Variants in WRAP73 observed in about 807,000 individuals in gnomAD.
WRAP73 encodes WD repeat containing, antisense to TP73.
WRAP73 carries 55 observed loss-of-function variants against 59.6 expected under a neutral mutation model. That is an observed-to-expected ratio of 0.92 (90% CI 0.74 to 1.15). WRAP73 has a LOEUF of 1.15. WRAP73 is among the 50% of genes most tolerant of loss of function. WRAP73 has a pLI of 0.00. For missense variants in WRAP73, 592 were observed against 608.1 expected, an observed-to-expected ratio of 0.97 and a Z score of 0.28; for synonymous variants, 265 against 258.2, an observed-to-expected ratio of 1.03 and a Z score of -0.25.
At chr1:3,647,346 A>G (rs1300190028) in intron 2 of WRAP73, 62 bp downstream of exon 2, 1 of 1,509,584 alleles carries the variant, frequency 6.6e-7, no homozygotes, top group Non-Finnish European at 8.9e-7. Flanking sequence ...ACAGAACAAA[A>G]CCCCTCCTTC....
At chr1:3,640,433 AGGGCGGGGT>A (rs2101964225) in intron 3 of WRAP73, among the ~76,000 whole-genome samples, 1 of 151,616 alleles carries the variant, frequency 6.6e-6, no homozygotes, top group African/African-American at 2.4e-5. Context: ...CAGCATCAGC[AGGGCGGGGT>A]GGAGCGCCCG....
At chr1:3,643,184 A>G (rs575791530) in intron 3 of WRAP73, among the ~76,000 whole-genome samples, 1 of 152,374 alleles carries the variant, frequency 6.6e-6, no homozygotes, top group East Asian at 1.9e-4. Context: ...GTCTAAAAGC[A>G]GTGACGGGGA....
At chr1:3,632,542 G>T in intron 9 of WRAP73, 1 of 737,088 alleles carries the variant, frequency 1.4e-6, no homozygotes, top group South Asian at 1.8e-5. Flanking sequence ...CCGGATGAGA[G>T]TGGCACCATC....
rs146537124 is a variant in WRAP73, at chr1:3,637,022, G to T, written c.489C>A (p.Phe163Leu). Residue 163 changes from phenylalanine (F) to leucine (L), a missense_variant, in exon 5 of 12, where the codon TTC becomes TTA. Coordinates refer to ENST00000270708, the MANE Select transcript of WRAP73 (RefSeq NM_017818.4). ...RRDCKDYVSI[F>L]VCSDWQLLRH... is the part of the protein sequence containing the mutation. Reference sequence around the variant, plus strand: ...GCAGGAGCTGCCAATCACTGCAGACGAAGATGCTCACGTAATCTTTGCAGT... The same window carrying T: ...GCAGGAGCTGCCAATCACTGCAGACTAAGATGCTCACGTAATCTTTGCAGT... 17 of 1,613,786 alleles carry T rather than the reference G, an allele frequency of 1.1e-5. No individual in the cohort carries two copies. The highest frequency in any genetic ancestry group is 1.4e-5 in the Non-Finnish European group (17 of 1,180,002).
At chr1:3,636,051 A>T (rs373542530) in intron 5 of WRAP73, 21 bp from the exon 6 acceptor site, 1 of 1,586,310 alleles carries the variant, frequency 6.3e-7, no homozygotes, top group East Asian at 2.2e-5. Context: ...AAGGGGGGGA[A>T]ACATTAAATT....
intron 3 of WRAP73, among the ~76,000 whole-genome samples, chr1:3,640,385 T>C (rs987866678): frequency 2.6e-5 from 4 of 152,008 alleles, no homozygotes; most frequent in African/African-American, 9.7e-5. Context: ...CCTGAGGCTC[T>C]GAGCATCAGC....
intron 1 of WRAP73, among the ~76,000 whole-genome samples, chr1:3,649,350 GTAGAGGAGAAGAGAAT>G (rs1465204810): frequency 1.3e-5 from 2 of 152,222 alleles, no homozygotes; most frequent in South Asian, 2.1e-4. Context: ...TCGGCATGTG[GTAGAGGAGAAGAGAAT>G]TAGAGGAGAA....
At chr1:3,641,337 G>A (rs1294991520) in intron 3 of WRAP73, among the ~76,000 whole-genome samples, 1 of 152,174 alleles carries the variant, frequency 6.6e-6, no homozygotes, top group African/African-American at 2.4e-5. Flanking sequence ...CCATGACCCA[G>A]TACACTCAAG....
chr1:3,632,042 A>G lies in WRAP73; in HGVS notation c.1048+171T>C, dbSNP rs1038596247. 2.7e-6 allele frequency: 4 copies of G among 1,490,364 alleles called. No homozygotes were observed. The African/African-American group carries it at 4.2e-5, about 16-fold the overall frequency. 92.3% of individuals were successfully genotyped at this position (1,490,364 alleles called of 1,614,324 possible). A position where few individuals can be genotyped will look rare whatever the true frequency, so the allele number is the denominator to read the frequency against. ...GCGGACCTGCGGCTGCTGCAGGACA[A>G]AGGCCCAGCGCCTCCAAGGAGCTTC... On this transcript the variant is annotated intron_variant, in intron 10 of 11. Coordinates refer to ENST00000270708, the MANE Select transcript of WRAP73 (RefSeq NM_017818.4).
intron 1 of WRAP73, among the ~76,000 whole-genome samples, chr1:3,649,526 G>A (rs879530734): frequency 5.9e-5 from 9 of 152,146 alleles, no homozygotes; most frequent in Non-Finnish European, 1.2e-4. Flanking sequence ...ACCTTTCCAA[G>A]GGCACCTCCC....
intron 8 of WRAP73, 76 bp from the exon 9 acceptor site, chr1:3,633,579 T>G: frequency 8.7e-7 from 1 of 1,149,246 alleles, no homozygotes; most frequent in Non-Finnish European, 1.2e-6. Context: ...CAAATGCCCA[T>G]GACAGCGCAT....
rs187420515 is a variant in WRAP73, at chr1:3,640,534, G to C, written c.340-1712C>G. ...GGCGGGGTGCAGCGCCCGAGGCTCT[G>C]AGCATCAGCAGGGCGGGGTGCAGCG... is the stretch of plus-strand genomic sequence containing the variant. On this transcript the variant is annotated intron_variant, in intron 3 of 11. Coordinates refer to ENST00000270708, the MANE Select transcript of WRAP73 (RefSeq NM_017818.4). Among the ~76,000 whole-genome samples, 57 of 105,636 alleles carry C rather than the reference G, an allele frequency of 5.4e-4. 1 individual carries two copies. Among genetic ancestry groups the C allele is most frequent in the Non-Finnish European group, 8.7e-4 (46 of 52,764 alleles). 69.3% of individuals were successfully genotyped at this position (105,636 alleles called of 152,430 possible).
chr1:3,650,060 CAG>C lies in WRAP73; in HGVS notation c.-63_-62del. ...AAAACCCGCGGGACCCCTGGGCGCG[CAG>C]CAGGCTGCAACAGCCGACGCCGGCC... On this transcript the variant is annotated 5_prime_UTR_variant, in exon 1 of 12. Transcript: ENST00000270708. 1 of 1,476,682 alleles carries C rather than the reference CAG, an allele frequency of 6.8e-7. No homozygotes were observed. The highest frequency in any genetic ancestry group is 1.3e-5 in the South Asian group (1 of 79,386). The allele number at this position is 1,476,682 out of a possible 1,614,324, so 91.5% of individuals were successfully genotyped here.
chr1:3,633,188 T>C lies in WRAP73; in HGVS notation c.922+210A>G, dbSNP rs528960714. ...AGATCCGGGTCTCCAGGGCTCATAT[T>C]CAGTAACAGAAGCCGCACCTTCACG... On this transcript the variant is annotated intron_variant, in intron 9 of 11. Coordinates refer to ENST00000270708, the MANE Select transcript of WRAP73 (RefSeq NM_017818.4). The C allele has an allele frequency of 3.0e-4, 170 of 557,672 alleles. 2 individuals carry two copies. Among genetic ancestry groups the C allele is most frequent in the Middle Eastern group, 2.0e-3 (5 of 2,544 alleles). The allele number at this position is 557,672 out of a possible 1,614,324, so 34.5% of individuals were successfully genotyped here.
At position 3,631,088 on chromosome 1, in the gene WRAP73, G is replaced by A. The variant is rs1171956186; in HGVS notation, c.1270C>T (p.His424Tyr). ...AGGGCCATCGAGTCTCCGCTTAAATGCCAGCACAGAGAGAGCACTGCAAAG... is the reference window on the plus strand; with the variant it reads ...AGGGCCATCGAGTCTCCGCTTAAATACCAGCACAGAGAGAGCACTGCAAAG... ...GDFAVLSLCW[H>Y]LSGDSMALLS... Residue 424 changes from histidine (H) to tyrosine (Y), a missense_variant, in exon 12 of 12, where the codon CAT becomes TAT. His to Tyr is a moderately conservative substitution (Grantham distance 83, BLOSUM62 2). Transcript: ENST00000270708. 4 of 1,613,262 alleles carry A rather than the reference G, an allele frequency of 2.5e-6. No individual in the cohort carries two copies. The African/African-American group carries it at 4.0e-5, about 16-fold the overall frequency.
At chr1:3,647,707 C>G (rs1209986214) in intron 1 of WRAP73, 147 bp from the exon 2 acceptor site, 2 of 818,780 alleles carry the variant, frequency 2.4e-6, no homozygotes, top group Non-Finnish European at 3.8e-6. Context: ...ATCCCCAGCC[C>G]CTAAAGATCA....
chr1:3,633,565 G>A (rs1036533685), intron 8 of WRAP73, 62 bp from the exon 9 acceptor site: 15 of 1,326,704 alleles, frequency 1.1e-5, no homozygotes, highest in East Asian at 1.0e-4. Context: ...AAGGATGGAC[G>A]TGGCAAATGC....
rs12137667 is a variant in WRAP73 at position 3,636,078 on chromosome 1, A to T, written c.517-48T>A. ...CATTAAATTTGGAAAATATTTTCGT[A>T]AATAAATAATTGCATTTATGACTGA... On this transcript the variant is annotated intron_variant, in intron 5 of 11. Coordinates refer to ENST00000270708, the MANE Select transcript of WRAP73 (RefSeq NM_017818.4). 2.6e-3 allele frequency: 3,718 copies of T among 1,424,924 alleles called. 6 individuals are homozygous for T. The highest frequency in any genetic ancestry group is 3.0e-3 in the Non-Finnish European group (3,064 of 1,012,702). The allele number at this position is 1,424,924 out of a possible 1,614,324, so 88.3% of individuals were successfully genotyped here. A position where few individuals can be genotyped will look rare whatever the true frequency, so the allele number is the denominator to read the frequency against.
chr1:3,637,228 C>T (rs577265357), intron 4 of WRAP73, 130 bp from the exon 5 acceptor site: 7 of 719,666 alleles, frequency 9.7e-6, no homozygotes, highest in African/African-American at 5.3e-5. Context: ...GGCACAATGC[C>T]GAGCACTGCT....
Sources: gnomAD v4.1 joint callset for allele counts (sites outside exome capture counted in the v4.1 genomes callset) on GRCh38, gnomAD v4.1.1 for gene constraint, MANE v1.5 for transcripts, NCBI Gene and HGNC (gene_info 2026-07-23, HGNC 2026-07-21) for gene names.